The following ROBO2 variants were observed in gnomAD, a reference collection of about 807,000 sequenced individuals.
ROBO2 encodes the protein roundabout guidance receptor 2.
ROBO2 carries 53 observed loss-of-function variants against 160.8 expected under a neutral mutation model. The observed-to-expected ratio is 0.33, with a 90% CI of 0.26 to 0.41. The LOEUF (loss-of-function observed/expected upper bound fraction) is 0.41. Among genes scored for constraint, ROBO2 ranks in the 10% least tolerant of loss-of-function variants. ROBO2 has a pLI of 1.00. For synonymous variants in ROBO2, 664 were observed against 611.7 expected, an observed-to-expected ratio of 1.09 and a Z score of -1.26; for missense variants, 1,577 against 1,722.4, an observed-to-expected ratio of 0.92 and a Z score of 1.49.
chr3:76,424,503 G>C (rs1346217715), intron 2 of ROBO2, among the ~76,000 whole-genome samples: 2 of 152,140 alleles, frequency 1.3e-5, no homozygotes, highest in African/African-American at 4.8e-5. Flanking sequence ...CCAGGAGCTG[G>C]GGGCAGGGAG....
intron 1 of ROBO2, among the ~76,000 whole-genome samples, chr3:77,058,035 T>C (rs1231350252): frequency 6.6e-6 from 1 of 152,114 alleles, no homozygotes; most frequent in African/African-American, 2.4e-5. Context: ...TGAACGTTAA[T>C]GTTATTTGGG....
intron 2 of ROBO2, among the ~76,000 whole-genome samples, chr3:77,238,200 CATCT>C: frequency 6.6e-6 from 1 of 152,258 alleles, no homozygotes; most frequent in South Asian, 2.1e-4. Flanking sequence ...ATTCGCTAGA[CATCT>C]ATCATGTAGC....
intron 2 of ROBO2, among the ~76,000 whole-genome samples, chr3:76,673,297 G>A (rs1370179422): frequency 1.3e-5 from 2 of 152,136 alleles, no homozygotes; most frequent in Non-Finnish European, 2.9e-5. Context: ...ATACTTCATT[G>A]AGATCGGAAA....
At chr3:76,811,869 CCTT>C (rs1344641868) in intron 2 of ROBO2, among the ~76,000 whole-genome samples, 8 of 117,476 alleles carry the variant, frequency 6.8e-5, no homozygotes, top group African/African-American at 2.6e-4. Flanking sequence ...TTCCTTCCTT[CCTT>C]CCTTCCTTCC....
chr3:77,153,043 G>A (rs540555495), intron 2 of ROBO2, among the ~76,000 whole-genome samples: 21 of 151,998 alleles, frequency 1.4e-4, no homozygotes, highest in Non-Finnish European at 7.4e-5. Context: ...AGTCTGTCTC[G>A]TTTCACTTAG....
intron 1 of ROBO2, among the ~76,000 whole-genome samples, chr3:75,913,994 T>C (rs1012854257): frequency 6.6e-6 from 1 of 152,198 alleles, no homozygotes; most frequent in Non-Finnish European, 1.5e-5. Context: ...AAGAGGATCA[T>C]TGCATAAGAT....
At chr3:77,206,343 C>T (rs1471449095) in intron 2 of ROBO2, among the ~76,000 whole-genome samples, 1 of 151,922 alleles carries the variant, frequency 6.6e-6, no homozygotes, top group Non-Finnish European at 1.5e-5. Context: ...CTAATTTTTG[C>T]ATTTTTGGTG....
In ROBO2 at chr3:77,622,168, A is replaced by G. The variant is rs113997871; in HGVS notation, c.3555-59A>G. 2.6e-4 allele frequency: 374 copies of G among 1,457,924 alleles called. 1 individual carries two copies. In the African/African-American group the frequency reaches 5.0e-3, roughly 20 times the overall value. The allele number at this position is 1,457,924 out of a possible 1,614,324, so 90.3% of individuals were successfully genotyped here. On this transcript the variant is annotated intron_variant, in intron 22 of 25. Coordinates refer to ENST00000461745, the Ensembl canonical transcript of ROBO2. ...CTATAGCATGCATTTAATTAAAATT[A>G]TGATTTTGTTGCATGTTAATAAGTT...
intron 2 of ROBO2, among the ~76,000 whole-genome samples, chr3:77,431,464 A>G (rs891568123): frequency 6.6e-6 from 1 of 152,202 alleles, no homozygotes; most frequent in African/African-American, 2.4e-5. Flanking sequence ...AGTCAACCAC[A>G]GTTCAAAAAT....
At chr3:77,313,478 T>G (rs2063716982) in intron 2 of ROBO2, among the ~76,000 whole-genome samples, 1 of 152,198 alleles carries the variant, frequency 6.6e-6, no homozygotes, top group Admixed American at 6.5e-5. Flanking sequence ...TCCTCATGTC[T>G]AGCTGTAATT....
chr3:76,056,860 T>C (rs574157578), intron 2 of ROBO2, among the ~76,000 whole-genome samples: 1 of 152,290 alleles, frequency 6.6e-6, no homozygotes, highest in African/African-American at 2.4e-5. Context: ...ATGTAGTAAA[T>C]TGCAATTTTT....
Position 76,257,758 on chromosome 3 carries a change from G to A in ROBO2, c.109+320156G>A, listed in dbSNP as rs530201401. On this transcript the variant is annotated intron_variant, in intron 2 of 26. Transcript: ENST00000487694. Reference sequence around the variant, plus strand: ...ACTCTCCATATTGTATGTGCTGATCGCTATTGTATAGTGTATTTCATAGTG... The same window carrying A: ...ACTCTCCATATTGTATGTGCTGATCACTATTGTATAGTGTATTTCATAGTG... 8.8e-4 allele frequency among the ~76,000 whole-genome samples: 134 copies of A among 151,932 alleles called. 2 individuals are homozygous for A. The South Asian group carries it at 0.014, about 16-fold the overall frequency.
At chr3:76,915,244 C>T (rs2076228700) in intron 2 of ROBO2, among the ~76,000 whole-genome samples, 1 of 152,114 alleles carries the variant, frequency 6.6e-6, no homozygotes, top group African/African-American at 2.4e-5. Flanking sequence ...GCAAATAATT[C>T]ACTGTGAAAT....
At chr3:76,712,674 CA>C (rs1007829953) in intron 2 of ROBO2, among the ~76,000 whole-genome samples, 21 of 144,486 alleles carry the variant, frequency 1.5e-4, no homozygotes, top group Middle Eastern at 3.5e-3. Context: ...GATGCCGTCT[CA>C]AAAAAAAAAT....
At chr3:76,107,478 G>A (rs192872775) in intron 2 of ROBO2, among the ~76,000 whole-genome samples, 2 of 152,086 alleles carry the variant, frequency 1.3e-5, no homozygotes, top group Non-Finnish European at 2.9e-5. Flanking sequence ...TCTGAATCAT[G>A]TGATGCCTTT....
At chr3:76,119,709 A>G (rs1297262092) in intron 2 of ROBO2, among the ~76,000 whole-genome samples, 1 of 152,132 alleles carries the variant, frequency 6.6e-6, no homozygotes, top group African/African-American at 2.4e-5. Context: ...GAAAAAAATG[A>G]CATTCAAAAT....
At chr3:76,721,101 C>T (rs1279537464) in intron 2 of ROBO2, among the ~76,000 whole-genome samples, 1 of 152,262 alleles carries the variant, frequency 6.6e-6, no homozygotes, top group East Asian at 1.9e-4. Context: ...CTTACAGCTT[C>T]CATTTACCTG....
At chr3:76,141,173 A>C (rs1577026746) in intron 2 of ROBO2, among the ~76,000 whole-genome samples, 1 of 103,456 alleles carries the variant, frequency 9.7e-6, no homozygotes, top group East Asian at 2.8e-4. Flanking sequence ...ATATATATAT[A>C]TATATATATA....
At chr3:76,400,639 A>T (rs181543512) in intron 2 of ROBO2, among the ~76,000 whole-genome samples, 3 of 151,774 alleles carry the variant, frequency 2.0e-5, no homozygotes, top group Admixed American at 1.3e-4. Flanking sequence ...AGAAGGCTAC[A>T]TCATCACACA....
Sources: gnomAD v4.1 joint callset for allele counts (sites outside exome capture counted in the v4.1 genomes callset) on GRCh38, gnomAD v4.1.1 for gene constraint, MANE v1.5 for transcripts, NCBI Gene and HGNC (gene_info 2026-07-23, HGNC 2026-07-21) for gene names.